CSMD1: variants seen among roughly 807,000 people sequenced by gnomAD.
CSMD1 encodes CUB and sushi domain-containing protein 1.
In CSMD1, 213 loss-of-function variants were observed where a neutral mutation model predicts 417.5. The ratio of observed to expected loss-of-function variants is 0.51; its 90% CI spans 0.46 to 0.57. CSMD1 has a LOEUF of 0.57. CSMD1 is among the 20% of genes least tolerant of loss of function. CSMD1 has a pLI of 0.00. For missense variants in CSMD1, 6,923 were observed against 4,529.7 expected, an observed-to-expected ratio of 1.53 and a Z score of -15.17; for synonymous variants, 2,862 against 1,736.8, an observed-to-expected ratio of 1.65 and a Z score of -16.11.
chr8:4,419,895 G>T, intron 3 of CSMD1, 58 bp downstream of exon 3: 1 of 1,117,422 alleles, frequency 8.9e-7, no homozygotes, highest in Non-Finnish European at 1.3e-6. Context: ...ATCCAGTGTA[G>T]CATGTATTAG....
chr8:3,586,009 A>C, intron 9 of CSMD1, 127 bp downstream of exon 9: 1 of 965,258 alleles, frequency 1.0e-6, no homozygotes, highest in African/African-American at 1.6e-5. Flanking sequence ...ATCACTATGA[A>C]AACATACATT....
At chr8:3,744,819 T>C (rs1389334827) in intron 6 of CSMD1, among the ~76,000 whole-genome samples, 2 of 152,202 alleles carry the variant, frequency 1.3e-5, no homozygotes, top group African/African-American at 4.8e-5. Context: ...TTTTGTTTCA[T>C]ATATCTATGG....
chr8:4,724,468 T>C (rs564878869), intron 1 of CSMD1, among the ~76,000 whole-genome samples: 5 of 151,914 alleles, frequency 3.3e-5, no homozygotes, highest in Non-Finnish European at 5.9e-5. Flanking sequence ...TACTTATAAG[T>C]AGCTGGGAGT....
intron 3 of CSMD1, among the ~76,000 whole-genome samples, chr8:4,191,319 C>T (rs1039939978): frequency 1.3e-5 from 2 of 152,044 alleles, no homozygotes; most frequent in African/African-American, 4.8e-5. Context: ...TGGCGTGAAC[C>T]CGGGAGGCAG....
At chr8:3,395,606 CAA>C (rs1811642250) in intron 17 of CSMD1, among the ~76,000 whole-genome samples, 1 of 152,128 alleles carries the variant, frequency 6.6e-6, no homozygotes, top group Non-Finnish European at 1.5e-5. Flanking sequence ...AATATTTTGA[CAA>C]TTGTTTTAAA....
chr8:3,850,375 G>C (rs993460317), intron 5 of CSMD1, among the ~76,000 whole-genome samples: 5 of 152,140 alleles, frequency 3.3e-5, no homozygotes, highest in Non-Finnish European at 5.9e-5. Flanking sequence ...TGTCCTGTAA[G>C]CACTGACACT....
chr8:3,611,239 T>G (rs1384377864), intron 8 of CSMD1, among the ~76,000 whole-genome samples: 2 of 106,848 alleles, frequency 1.9e-5, no homozygotes, highest in Admixed American at 1.9e-4. Context: ...ATAATAATAA[T>G]AAAGTTAAAT....
intron 4 of CSMD1, among the ~76,000 whole-genome samples, chr8:4,030,431 G>A (rs1357970546): frequency 6.6e-6 from 1 of 152,198 alleles, no homozygotes; most frequent in Non-Finnish European, 1.5e-5. Flanking sequence ...GCCAAGGCTT[G>A]AGGCTTACAT....
chr8:4,068,446 T>G (rs958038708), intron 3 of CSMD1, among the ~76,000 whole-genome samples: 3 of 152,202 alleles, frequency 2.0e-5, no homozygotes, highest in Non-Finnish European at 4.4e-5. Context: ...TAAATGTATA[T>G]TTTTAGAAAG....
chr8:3,832,213 T>G (rs1387413052), intron 5 of CSMD1, among the ~76,000 whole-genome samples: 2 of 152,184 alleles, frequency 1.3e-5, no homozygotes, highest in Admixed American at 6.6e-5. Flanking sequence ...GAATAAGCTG[T>G]GCCCTGTCCA....
At chr8:4,873,316 C>G (rs1802844831) in intron 1 of CSMD1, among the ~76,000 whole-genome samples, 1 of 151,986 alleles carries the variant, frequency 6.6e-6, no homozygotes, top group Non-Finnish European at 1.5e-5. Flanking sequence ...ATTCGTAGAC[C>G]CATTCCAAAC....
Position 4,639,219 on chromosome 8 carries a change from G to A in CSMD1, c.86-1661C>T, listed in dbSNP as rs528911082. The stretch of plus-strand genomic sequence containing the variant: ...GTTACTTCCCACATACAAGCTCTCC[G>A]TGCCATGCTAATTTGGTCCCTGTGG... On this transcript the variant is annotated intron_variant, in intron 1 of 69. Coordinates refer to ENST00000635120, the MANE Select transcript of CSMD1 (RefSeq NM_033225.6). Among the ~76,000 whole-genome samples, 18 of 149,610 alleles carry A rather than the reference G, an allele frequency of 1.2e-4. No homozygotes were observed. The South Asian group carries it at 1.7e-3, about 14-fold the overall frequency.
At chr8:4,836,495 T>C (rs1315833236) in intron 1 of CSMD1, among the ~76,000 whole-genome samples, 2 of 152,192 alleles carry the variant, frequency 1.3e-5, no homozygotes, top group Non-Finnish European at 2.9e-5. Flanking sequence ...GGCAGACAGC[T>C]AACATGAATC....
chr8:4,603,761 G>A (rs746545250), intron 2 of CSMD1, among the ~76,000 whole-genome samples: 22 of 152,040 alleles, frequency 1.4e-4, no homozygotes, highest in African/African-American at 5.1e-4. Flanking sequence ...GGATGATTTT[G>A]GTGTACCGGA....
At chr8:4,279,387 C>G (rs1163845557) in intron 3 of CSMD1, among the ~76,000 whole-genome samples, 1 of 152,158 alleles carries the variant, frequency 6.6e-6, no homozygotes, top group East Asian at 1.9e-4. Context: ...AAGTATCTTC[C>G]TGGATTCTGA....
At chr8:4,692,148 GC>G (rs749948656) in intron 1 of CSMD1, among the ~76,000 whole-genome samples, 27 of 151,992 alleles carry the variant, frequency 1.8e-4, no homozygotes, top group Non-Finnish European at 1.8e-4. Flanking sequence ...CTGAAAACCT[GC>G]CCCCTGTCCC....
intron 54 of CSMD1, among the ~76,000 whole-genome samples, chr8:2,988,006 C>T (rs1209948960): frequency 2.0e-5 from 3 of 152,070 alleles, no homozygotes; most frequent in Admixed American, 6.6e-5. Context: ...TATTAAGCCC[C>T]GCATGCGTTA....
At chr8:3,999,770 C>T (rs997212279) in intron 4 of CSMD1, among the ~76,000 whole-genome samples, 2 of 152,124 alleles carry the variant, frequency 1.3e-5, no homozygotes, top group Admixed American at 1.3e-4. Context: ...AAATTACTAC[C>T]TTCAAGTATG....
chr8:4,971,894 T>C (rs1810261810), intron 1 of CSMD1, among the ~76,000 whole-genome samples: 1 of 152,028 alleles, frequency 6.6e-6, no homozygotes. Context: ...GAAATAGTAG[T>C]AGGTGATGAC....
Sources: allele counts gnomAD v4.1 joint callset (sites outside exome capture counted in the v4.1 genomes callset), GRCh38; gene constraint gnomAD v4.1.1; transcripts MANE v1.5; gene names NCBI Gene and HGNC (gene_info 2026-07-23, HGNC 2026-07-21).